The following IMPG2 variants were observed in gnomAD, a reference collection of about 807,000 sequenced individuals.
The protein encoded by IMPG2 is IPM 200.
Under a neutral mutation model 129.2 loss-of-function variants are expected in IMPG2, and 91 were observed. The observed-to-expected ratio is 0.70, with a 90% CI of 0.59 to 0.84. The LOEUF (loss-of-function observed/expected upper bound fraction) is 0.84, where lower values mean the gene tolerates loss of function less well. Among genes scored for constraint, IMPG2 ranks in the 40% least tolerant of loss-of-function variants. The pLI, the probability that IMPG2 is intolerant of heterozygous loss-of-function variation, is 0.00. For synonymous variants in IMPG2, 510 were observed against 517.7 expected (o/e 0.99, Z 0.20); for missense variants, 1,430 against 1,461.7 (o/e 0.98, Z 0.35).
At chr3:101,234,837 C>A (rs1203355465) in intron 14 of IMPG2, among the ~76,000 whole-genome samples, 1 of 152,020 alleles carries the variant, frequency 6.6e-6, no homozygotes, top group East Asian at 1.9e-4. Flanking sequence ...TTGTCTCTAG[C>A]CAATCTTGAA....
At chr3:101,317,219 T>C (rs1214280511) in intron 2 of IMPG2, among the ~76,000 whole-genome samples, 1 of 152,134 alleles carries the variant, frequency 6.6e-6, no homozygotes, top group Non-Finnish European at 1.5e-5. Flanking sequence ...TTTAAATATA[T>C]GCAGGCTGTA....
chr3:101,303,123 T>G (rs1351007895), intron 3 of IMPG2, among the ~76,000 whole-genome samples: 2 of 152,212 alleles, frequency 1.3e-5, no homozygotes, highest in African/African-American at 2.4e-5. Flanking sequence ...CTGTAAGGTA[T>G]GTAATACTTA....
chr3:101,277,663 T>C (rs1706852199), intron 4 of IMPG2, among the ~76,000 whole-genome samples: 1 of 152,184 alleles, frequency 6.6e-6, no homozygotes, highest in South Asian at 2.1e-4. Flanking sequence ...CTCCTGGCTG[T>C]TGTTTTACCA....
At chr3:101,309,629 C>T (rs113813952) in intron 2 of IMPG2, among the ~76,000 whole-genome samples, 33 of 152,132 alleles carry the variant, frequency 2.2e-4, no homozygotes, top group African/African-American at 7.0e-4. Flanking sequence ...GTCCCACACC[C>T]GACATATGGG....
At chr3:101,229,248 AT>A in intron 17 of IMPG2, 131 bp downstream of exon 17, 2 of 784,272 alleles carry the variant, frequency 2.6e-6, no homozygotes, top group Non-Finnish European at 4.3e-6. Context: ...ATTACTAAAT[AT>A]TTTTTACACT....
chr3:101,306,477 C>T (rs1032846473), intron 2 of IMPG2, among the ~76,000 whole-genome samples: 1 of 152,188 alleles, frequency 6.6e-6, no homozygotes, highest in South Asian at 2.1e-4. Context: ...CGGGCACTGA[C>T]TGAGGCAGAG....
At chr3:101,261,414 A>C (rs1559647880) in intron 9 of IMPG2, among the ~76,000 whole-genome samples, 1 of 152,162 alleles carries the variant, frequency 6.6e-6, no homozygotes, top group Non-Finnish European at 1.5e-5. Flanking sequence ...TTTAAATGTA[A>C]TAGGGAAAAG....
At chr3:101,229,624 T>C in intron 16 of IMPG2, 34 bp from the exon 17 acceptor site, 1 of 1,573,970 alleles carries the variant, frequency 6.4e-7, no homozygotes, top group East Asian at 2.2e-5. Context: ...CAGGCTCTTG[T>C]TTGGATGCTC....
In IMPG2 at chr3:101,244,305, A is replaced by C. The variant is rs1318679899; in HGVS notation, c.2026T>G (p.Phe676Val). 1 of 1,614,024 alleles carries C rather than the reference A, an allele frequency of 6.2e-7. No individual in the cohort carries two copies. Among genetic ancestry groups the C allele is most frequent in the East Asian group, 2.2e-5 (1 of 44,858 alleles). Residue 676 changes from phenylalanine to valine, a missense_variant, in exon 13 of 19, where the codon TTT (phenylalanine) becomes GTT (valine). Transcript: ENST00000193391. ...CCACTAAGAGGCTCTTCCTCTGGAA[A>C]GTGTGTGGATCTGTCATCATGTTCA... ...KYEHDDRSTH[F>V]PEEEPLSGPA...
At chr3:101,299,569 G>A (rs979495611) in intron 3 of IMPG2, among the ~76,000 whole-genome samples, 1 of 151,852 alleles carries the variant, frequency 6.6e-6, no homozygotes, top group Non-Finnish European at 1.5e-5. Flanking sequence ...CCCTTGGATT[G>A]AGTTTTTGTA....
intron 2 of IMPG2, among the ~76,000 whole-genome samples, chr3:101,313,914 A>C (rs1445700825): frequency 6.6e-6 from 1 of 152,164 alleles, no homozygotes; most frequent in African/African-American, 2.4e-5. Flanking sequence ...GCCAATATAC[A>C]AAAATCAGTT....
chr3:101,310,799 A>C (rs1366542217), intron 2 of IMPG2, among the ~76,000 whole-genome samples: 1 of 152,180 alleles, frequency 6.6e-6, no homozygotes, highest in Non-Finnish European at 1.5e-5. Flanking sequence ...ATAAATCACC[A>C]GGCTTCATAG....
intron 3 of IMPG2, among the ~76,000 whole-genome samples, chr3:101,300,743 T>A (rs1187947114): frequency 1.3e-5 from 2 of 152,202 alleles, no homozygotes; most frequent in Non-Finnish European, 2.9e-5. Context: ...TCACATGCTG[T>A]TATGGTTCTT....
intron 17 of IMPG2, 111 bp downstream of exon 17, chr3:101,229,269 T>C: frequency 3.3e-6 from 3 of 910,120 alleles, no homozygotes; most frequent in Non-Finnish European, 3.6e-6. Flanking sequence ...TTTCTTAAAG[T>C]CCATGTGCAT....
At chr3:101,309,917 T>C (rs1304852738) in intron 2 of IMPG2, among the ~76,000 whole-genome samples, 1 of 152,160 alleles carries the variant, frequency 6.6e-6, no homozygotes, top group African/African-American at 2.4e-5. Flanking sequence ...AAAGAAGCAT[T>C]ACACAAAAGA....
chr3:101,303,154 C>A (rs1310617334), intron 3 of IMPG2, among the ~76,000 whole-genome samples: 1 of 152,066 alleles, frequency 6.6e-6, no homozygotes, highest in Non-Finnish European at 1.5e-5. Flanking sequence ...TTAAAATAAT[C>A]TTCATAAAGT....
At chr3:101,281,150 G>A (rs1346011925) in intron 4 of IMPG2, among the ~76,000 whole-genome samples, 2 of 152,260 alleles carry the variant, frequency 1.3e-5, no homozygotes, top group Non-Finnish European at 2.9e-5. Flanking sequence ...TATTTAGTAA[G>A]CACATATCCT....
chr3:101,239,354 T>C (rs995047136), intron 14 of IMPG2, among the ~76,000 whole-genome samples: 1 of 152,174 alleles, frequency 6.6e-6, no homozygotes, highest in African/African-American at 2.4e-5. Flanking sequence ...TCAGTGGTCA[T>C]TACAGAAATG....
chr3:101,231,335 C>T (rs570063638), intron 15 of IMPG2, among the ~76,000 whole-genome samples, 190 bp from the exon 16 acceptor site: 108 of 152,272 alleles, frequency 7.1e-4, no homozygotes, highest in African/African-American at 2.4e-3. Flanking sequence ...CCAGCACAGA[C>T]CTAGTAGGTC....
Sources: gnomAD v4.1 joint callset for allele counts (sites outside exome capture counted in the v4.1 genomes callset) on GRCh38, gnomAD v4.1.1 for gene constraint, MANE v1.5 for transcripts, NCBI Gene and HGNC (gene_info 2026-07-23, HGNC 2026-07-21) for gene names.